Variants in JAK2 observed in about 807,000 individuals in gnomAD.
JAK2 encodes tyrosine-protein kinase JAK2.
Under a neutral mutation model 139.3 loss-of-function variants are expected in JAK2, and 86 were observed. That is an observed-to-expected ratio of 0.62 (90% CI 0.52 to 0.74). The LOEUF is 0.74. Ranked by LOEUF, JAK2 falls within the 30% of genes least tolerant of loss-of-function variation. JAK2 has a pLI of 0.00. For missense variants in JAK2, 1,421 were observed against 1,360.3 expected (o/e 1.04, Z -0.70); for synonymous variants, 490 against 437.7 (o/e 1.12, Z -1.49).
chr9:5,023,505 C>G (rs1375707920), intron 3 of JAK2, among the ~76,000 whole-genome samples: 1 of 152,116 alleles, frequency 6.6e-6, no homozygotes, highest in Admixed American at 6.5e-5. Context: ...CTCTGGGCAG[C>G]CCTCTATGTG....
intron 4 of JAK2, among the ~76,000 whole-genome samples, chr9:5,031,251 G>T (rs948479674): frequency 1.3e-5 from 2 of 152,160 alleles, no homozygotes; most frequent in African/African-American, 4.8e-5. Flanking sequence ...ATAGCCATGA[G>T]AAAGAAGACT....
At chr9:5,086,678 A>G (rs1324807410) in intron 19 of JAK2, among the ~76,000 whole-genome samples, 1 of 152,166 alleles carries the variant, frequency 6.6e-6, no homozygotes, top group East Asian at 1.9e-4. Flanking sequence ...CCATGTAATA[A>G]CCTTACTTAG....
chr9:5,012,467 C>T (rs1034610463), intron 2 of JAK2, among the ~76,000 whole-genome samples: 1 of 152,116 alleles, frequency 6.6e-6, no homozygotes, highest in Admixed American at 6.5e-5. Flanking sequence ...TTAAAAATTA[C>T]TTAAAATTGT....
At chr9:5,042,293 G>A (rs1466397943) in intron 4 of JAK2, among the ~76,000 whole-genome samples, 16 of 151,466 alleles carry the variant, frequency 1.1e-4, no homozygotes, top group Middle Eastern at 3.4e-3. Flanking sequence ...GCCCGCCACC[G>A]CGCCCGGCTA....
chr9:5,041,027 C>G (rs1816460483), intron 4 of JAK2: 4 of 669,140 alleles, frequency 6.0e-6, no homozygotes, highest in Admixed American at 2.1e-5. Flanking sequence ...CACCTGGGTA[C>G]CGGTTCTACA....
chr9:5,022,031 C>A lies in JAK2; in HGVS notation c.44C>A (p.Ser15Tyr). ...CLTMTEMEGTSTSSIYQNGDI... is the reference protein window; with the variant it reads ...CLTMTEMEGTYTSSIYQNGDI... ...ACGATGACAGAAATGGAGGGAACAT[C>A]CACCTCTTCTATATATCAGAATGGT... is the stretch of plus-strand genomic sequence containing the variant. The change falls in exon 3 of 25, where the codon TCC becomes TAC. Residue 15 changes from serine (S) to tyrosine (Y), a missense_variant. Coordinates refer to ENST00000381652, the MANE Select transcript of JAK2 (RefSeq NM_004972.4). 6.2e-7 allele frequency: 1 copy of A among 1,614,108 alleles called. No homozygotes were observed. The highest frequency in any genetic ancestry group is 1.1e-5 in the South Asian group (1 of 91,080).
At chr9:5,097,672 A>G (rs1821113055) in intron 22 of JAK2, 2 of 152,220 alleles carry the variant, frequency 1.3e-5, no homozygotes, top group East Asian at 1.9e-4. Flanking sequence ...ATCTCCCGCA[A>G]TGTTCTGAGC....
intron 22 of JAK2, among the ~76,000 whole-genome samples, chr9:5,102,368 G>A (rs529764948): frequency 6.6e-6 from 1 of 152,156 alleles, no homozygotes; most frequent in Non-Finnish European, 1.5e-5. Flanking sequence ...ACAAGATAAA[G>A]CCTACAAGAA....
chr9:5,075,121 G>A (rs950316043), intron 14 of JAK2, among the ~76,000 whole-genome samples: 1 of 152,144 alleles, frequency 6.6e-6, no homozygotes, highest in East Asian at 1.9e-4. Context: ...TGAGGAAGCT[G>A]CAGAAGAAAA....
chr9:5,078,692 G>A (rs527624388), intron 16 of JAK2, among the ~76,000 whole-genome samples: 1 of 152,140 alleles, frequency 6.6e-6, no homozygotes, highest in East Asian at 1.9e-4. Flanking sequence ...TATGTATGAA[G>A]GATAGGATTT....
intron 20 of JAK2, 135 bp from the exon 21 acceptor site, chr9:5,090,311 C>A: frequency 1.9e-6 from 1 of 535,312 alleles, no homozygotes; most frequent in South Asian, 6.8e-5. Flanking sequence ...ACAACTATAT[C>A]ACCTTTAATG....
Position 4,990,024 on chromosome 9 carries a change from G to C in JAK2, c.-26+4002G>C, listed in dbSNP as rs556547880. Among the ~76,000 whole-genome samples, 5 of 152,318 alleles carry C rather than the reference G, an allele frequency of 3.3e-5. No homozygotes were observed. The South Asian group carries it at 1.0e-3, about 32-fold the overall frequency. The stretch of plus-strand genomic sequence containing the variant: ...TGCTAGGTCTCATATGAATTGGAAA[G>C]AGAATGGTAGAAAGAGGTAGGAAAA... On this transcript the variant is annotated intron_variant, in intron 2 of 24. Coordinates refer to ENST00000381652, the MANE Select transcript of JAK2 (RefSeq NM_004972.4).
chr9:5,114,620 C>A, intron 22 of JAK2: 2 of 485,700 alleles, frequency 4.1e-6, no homozygotes, highest in South Asian at 3.1e-5. Flanking sequence ...AGGTGCAGCT[C>A]CCGGACACTT....
intron 2 of JAK2, among the ~76,000 whole-genome samples, chr9:4,994,073 T>C (rs139012970): frequency 6.6e-6 from 1 of 152,304 alleles, no homozygotes; most frequent in African/African-American, 2.4e-5. Context: ...GGGTTAATAA[T>C]TATCCTACTT....
chr9:5,034,809 A>G (rs1823448904), intron 4 of JAK2, among the ~76,000 whole-genome samples: 1 of 152,226 alleles, frequency 6.6e-6, no homozygotes, highest in Non-Finnish European at 1.5e-5. Context: ...TGACACCCTA[A>G]CATCACAATT....
chr9:5,101,193 C>T (rs1027951061), intron 22 of JAK2, among the ~76,000 whole-genome samples: 5 of 152,208 alleles, frequency 3.3e-5, no homozygotes, highest in Admixed American at 1.3e-4. Flanking sequence ...CTGTGCTTTT[C>T]CAACAGTCTT....
At chr9:5,081,942 C>A in intron 19 of JAK2, 81 bp downstream of exon 19, 3 of 1,189,646 alleles carry the variant, frequency 2.5e-6, no homozygotes, top group Non-Finnish European at 2.4e-6. Flanking sequence ...AGTTCACTTT[C>A]TACAACATTT....
chr9:5,035,164 C>A (rs2130215593), intron 4 of JAK2, among the ~76,000 whole-genome samples: 2 of 152,138 alleles, frequency 1.3e-5, no homozygotes, highest in East Asian at 3.9e-4. Flanking sequence ...ACACATACAC[C>A]CTCCCAAGAC....
chr9:5,109,603 T>C (rs1001890645), intron 22 of JAK2: 1 of 152,122 alleles, frequency 6.6e-6, no homozygotes, highest in Non-Finnish European at 1.5e-5. Flanking sequence ...TACATAAAAA[T>C]AGCCATCACA....
Sources: gnomAD v4.1 joint callset for allele counts (sites outside exome capture counted in the v4.1 genomes callset) on GRCh38, gnomAD v4.1.1 for gene constraint, MANE v1.5 for transcripts, NCBI Gene and HGNC (gene_info 2026-07-23, HGNC 2026-07-21) for gene names.